Variants in ADCY5 observed in about 807,000 individuals in gnomAD.
ADCY5 encodes adenylate cyclase type 5.
A neutral mutation model predicts 119.7 loss-of-function variants in ADCY5; 30 were observed. The observed-to-expected ratio is 0.25, with a 90% confidence interval of 0.19 to 0.34. ADCY5 has a LOEUF of 0.34. Among genes scored for constraint, ADCY5 ranks in the 10% least tolerant of loss-of-function variants. ADCY5 has a pLI of 1.00. For synonymous variants in ADCY5, 753 were observed against 762.2 expected (o/e 0.99, Z 0.20); for missense variants, 1,324 against 1,775.2 (o/e 0.75, Z 4.57).
At chr3:123,298,880 G>A (rs1939675399) in intron 15 of ADCY5, among the ~76,000 whole-genome samples, 1 of 146,036 alleles carries the variant, frequency 6.8e-6, no homozygotes, top group African/African-American at 2.6e-5. Context: ...GAGTGGTGAT[G>A]CGTAGAAAAG....
intron 1 of ADCY5, among the ~76,000 whole-genome samples, chr3:123,383,710 A>C (rs567812512): frequency 4.7e-4 from 72 of 152,098 alleles, no homozygotes; most frequent in Non-Finnish European, 8.8e-4. Flanking sequence ...TAGGGGGTTT[A>C]AACTACTGGG....
chr3:123,320,104 G>A (rs1364701962), intron 9 of ADCY5, among the ~76,000 whole-genome samples: 1 of 152,150 alleles, frequency 6.6e-6, no homozygotes, highest in Non-Finnish European at 1.5e-5. Context: ...GCATAACAAT[G>A]TGAGCTACCA....
chr3:123,303,372 G>A (rs893202281), intron 13 of ADCY5, among the ~76,000 whole-genome samples, 153 bp from the exon 14 acceptor site: 4 of 152,152 alleles, frequency 2.6e-5, no homozygotes, highest in Non-Finnish European at 5.9e-5. Context: ...TCTGAGGAAC[G>A]GGCAAAGTCT....
chr3:123,434,255 G>C (rs112580919), intron 1 of ADCY5, among the ~76,000 whole-genome samples: 1 of 152,218 alleles, frequency 6.6e-6, no homozygotes, highest in Non-Finnish European at 1.5e-5. Context: ...ACCTCTCGGA[G>C]CCTCTTATTT....
At chr3:123,310,821 A>G (rs1297039959) in intron 12 of ADCY5, among the ~76,000 whole-genome samples, 5 of 152,164 alleles carry the variant, frequency 3.3e-5, no homozygotes, top group Non-Finnish European at 7.4e-5. Flanking sequence ...TGAGGACACG[A>G]TGAAGACCAA....
chr3:123,374,946 T>C (rs1220252988), intron 1 of ADCY5, among the ~76,000 whole-genome samples: 1 of 152,176 alleles, frequency 6.6e-6, no homozygotes, highest in East Asian at 1.9e-4. Context: ...GGTTGAGAAG[T>C]GCCCATCAAT....
At chr3:123,295,783 G>A (rs1939461058) in intron 17 of ADCY5, among the ~76,000 whole-genome samples, 1 of 152,142 alleles carries the variant, frequency 6.6e-6, no homozygotes, top group Non-Finnish European at 1.5e-5. Context: ...CACACAGTAA[G>A]TGCCCAGCCA....
chr3:123,416,379 C>G, intron 1 of ADCY5: 2 of 1,495,562 alleles, frequency 1.3e-6, no homozygotes, highest in Non-Finnish European at 1.8e-6. Context: ...GGGGAAGACA[C>G]CAGGCTGCTT....
chr3:123,288,467 A>T (rs1938924245), intron 19 of ADCY5, among the ~76,000 whole-genome samples: 1 of 152,194 alleles, frequency 6.6e-6, no homozygotes, highest in South Asian at 2.1e-4. Context: ...CCTTGGGAGG[A>T]GCAACACTCC....
chr3:123,288,431 C>T (rs988067875), intron 19 of ADCY5, among the ~76,000 whole-genome samples: 29 of 152,224 alleles, frequency 1.9e-4, no homozygotes, highest in African/African-American at 5.1e-4. Context: ...CCTGCTCTTT[C>T]AGAAAGCATT....
intron 1 of ADCY5, among the ~76,000 whole-genome samples, chr3:123,417,529 A>C (rs147153839): frequency 6.6e-6 from 1 of 152,396 alleles, no homozygotes; most frequent in Non-Finnish European, 1.5e-5. Flanking sequence ...TTCAGGGACA[A>C]GTCCTTACTA....
Position 123,332,674 on chromosome 3 carries a change from T to C in ADCY5, c.1408A>G (p.Ile470Val), listed in dbSNP as rs1941817521. ...AAGCCCTCGATGTCAGCAAACAGGA[T>C]GCTGGGGGACAGGCAGAGGAGGAAG... is the stretch of plus-strand genomic sequence containing the variant. Reference protein sequence around the residue: ...IYIQKHDNVSILFADIEGFTS... With the variant: ...IYIQKHDNVSVLFADIEGFTS... The change falls in exon 4 of 21, where the codon ATC becomes GTC. Residue 470 changes from isoleucine (I) to valine (V), a missense_variant and splice_region_variant. Transcript: ENST00000462833. 1 of 1,605,528 alleles carries C rather than the reference T, an allele frequency of 6.2e-7. No homozygotes were observed. The highest frequency in any genetic ancestry group is 1.7e-5 in the Admixed American group (1 of 59,920).
intron 3 of ADCY5, among the ~76,000 whole-genome samples, chr3:123,343,123 T>G (rs1450431781): frequency 6.6e-6 from 1 of 152,204 alleles, no homozygotes; most frequent in Non-Finnish European, 1.5e-5. Context: ...TGTCCCCTGG[T>G]CACTAAACCC....
chr3:123,368,061 C>A, intron 1 of ADCY5: 1 of 1,447,068 alleles, frequency 6.9e-7, no homozygotes, highest in Non-Finnish European at 9.0e-7. Context: ...GGGAGAGAGG[C>A]AGGAAGATTC....
chr3:123,340,926 A>T (rs1163076707), intron 3 of ADCY5, among the ~76,000 whole-genome samples: 1 of 151,804 alleles, frequency 6.6e-6, no homozygotes, highest in Admixed American at 6.6e-5. Context: ...GGAGTTTGAG[A>T]CCAGCCTGGC....
At chr3:123,420,951 C>T (rs1945291333) in intron 1 of ADCY5, among the ~76,000 whole-genome samples, 1 of 152,152 alleles carries the variant, frequency 6.6e-6, no homozygotes, top group Non-Finnish European at 1.5e-5. Flanking sequence ...TGTTCTCTCC[C>T]TGTCTTCAGG....
intron 3 of ADCY5, among the ~76,000 whole-genome samples, chr3:123,339,197 T>C (rs903868825): frequency 3.9e-5 from 6 of 152,212 alleles, no homozygotes. Flanking sequence ...CAGTGGTCTC[T>C]TTTTGACCAA....
chr3:123,443,935 C>T (rs1945767548), intron 1 of ADCY5, among the ~76,000 whole-genome samples: 1 of 152,172 alleles, frequency 6.6e-6, no homozygotes, highest in African/African-American at 2.4e-5. Context: ...CTGCTAATCT[C>T]CTGGAGTGCA....
At chr3:123,387,243 T>C (rs1944254243) in intron 1 of ADCY5, among the ~76,000 whole-genome samples, 1 of 152,190 alleles carries the variant, frequency 6.6e-6, no homozygotes, top group Non-Finnish European at 1.5e-5. Context: ...CTGAAAATCA[T>C]TGGTATCAGG....
Sources: gnomAD v4.1 joint callset for allele counts (sites outside exome capture counted in the v4.1 genomes callset) on GRCh38, gnomAD v4.1.1 for gene constraint, MANE v1.5 for transcripts, NCBI Gene and HGNC (gene_info 2026-07-23, HGNC 2026-07-21) for gene names.